CAMK1D: variants seen among roughly 807,000 people sequenced by gnomAD.
CAMK1D encodes calcium/calmodulin-dependent protein kinase type 1D.
Under a neutral mutation model 47.7 loss-of-function variants are expected in CAMK1D, and 9 were observed. The observed-to-expected ratio is 0.19, with a 90% CI of 0.11 to 0.33. CAMK1D has a LOEUF of 0.33. Ranked by LOEUF, CAMK1D falls within the 10% of genes least tolerant of loss-of-function variation. CAMK1D has a pLI of 1.00. For synonymous variants in CAMK1D, 184 were observed against 184.9 expected (o/e 0.99, Z 0.04); for missense variants, 291 against 488.7 (o/e 0.60, Z 3.81).
chr10:12,582,855 A>G (rs961456719), intron 2 of CAMK1D, among the ~76,000 whole-genome samples: 1 of 152,188 alleles, frequency 6.6e-6, no homozygotes, highest in African/African-American at 2.4e-5. Context: ...TTAAACACCC[A>G]CTGTTTACCA....
At chr10:12,668,969 C>T (rs1040068973) in intron 3 of CAMK1D, among the ~76,000 whole-genome samples, 34 of 152,050 alleles carry the variant, frequency 2.2e-4, no homozygotes, top group African/African-American at 6.5e-4. Context: ...TGGTGGCTCA[C>T]GCCTGCAATC....
At chr10:12,812,961 C>T (rs1832665295) in intron 6 of CAMK1D, among the ~76,000 whole-genome samples, 1 of 152,220 alleles carries the variant, frequency 6.6e-6, no homozygotes, top group Admixed American at 6.5e-5. Context: ...CAAAAAAATG[C>T]ATCACTGGTA....
intron 1 of CAMK1D, among the ~76,000 whole-genome samples, chr10:12,362,031 A>G (rs544054967): frequency 5.0e-4 from 76 of 152,124 alleles, no homozygotes; most frequent in African/African-American, 1.4e-3. Flanking sequence ...TTTCTTGCCT[A>G]TTAAACTCTC....
chr10:12,815,498 A>G (rs1832757636), intron 7 of CAMK1D, among the ~76,000 whole-genome samples: 1 of 152,234 alleles, frequency 6.6e-6, no homozygotes, highest in African/African-American at 2.4e-5. Context: ...CGCGGGAAAG[A>G]GCCACATGGG....
intron 5 of CAMK1D, among the ~76,000 whole-genome samples, chr10:12,772,292 C>T (rs902188244): frequency 2.6e-5 from 4 of 152,060 alleles, no homozygotes; most frequent in South Asian, 2.1e-4. Flanking sequence ...TTCCAACTAT[C>T]GGGAATCCCA....
intron 1 of CAMK1D, among the ~76,000 whole-genome samples, chr10:12,442,264 G>A (rs1336354041): frequency 2.6e-5 from 4 of 152,172 alleles, no homozygotes; most frequent in Non-Finnish European, 5.9e-5. Context: ...GGCGGATCAC[G>A]AGTTCAGGAG....
At chr10:12,651,322 T>C (rs1334300542) in intron 2 of CAMK1D, among the ~76,000 whole-genome samples, 1 of 152,244 alleles carries the variant, frequency 6.6e-6, no homozygotes, top group African/African-American at 2.4e-5. Context: ...CAGACAGGTG[T>C]GTGTATGCGC....
intron 1 of CAMK1D, among the ~76,000 whole-genome samples, chr10:12,398,288 A>G (rs540375884): frequency 2.0e-5 from 3 of 152,166 alleles, no homozygotes; most frequent in Non-Finnish European, 2.9e-5. Flanking sequence ...AAATATGTAT[A>G]TACATTTAAA....
At chr10:12,393,774 A>C (rs1838833626) in intron 1 of CAMK1D, among the ~76,000 whole-genome samples, 1 of 152,214 alleles carries the variant, frequency 6.6e-6, no homozygotes, top group Non-Finnish European at 1.5e-5. Context: ...CTGAGCAGAC[A>C]TGCCGGCCAG....
In CAMK1D at chr10:12,827,462, T is replaced by TTCTC. The variant is rs1564594070; in HGVS notation, c.1040-1306_1040-1305insCTCT. Among the ~76,000 whole-genome samples, 11 of 12,122 alleles carry TTCTC rather than the reference T, an allele frequency of 9.1e-4. 4 individuals carry two copies. The highest frequency in any genetic ancestry group is 2.2e-3 in the Non-Finnish European group (9 of 4,072). 8.0% of individuals were successfully genotyped at this position (12,122 alleles called of 152,430 possible). On this transcript the variant is annotated intron_variant, in intron 10 of 10. Coordinates refer to ENST00000619168, the MANE Select transcript of CAMK1D (RefSeq NM_153498.4). ...TTCTTTCTTTCTTTCTTTTCTTTCT[T>TTCTC]TGTCTGTCTGTCTTTCTTTCTTTCT...
chr10:12,497,994 G>A lies in CAMK1D; in HGVS notation c.93-55231G>A, dbSNP rs374577418. On this transcript the variant is annotated intron_variant, in intron 1 of 10. Coordinates refer to ENST00000619168, the MANE Select transcript of CAMK1D (RefSeq NM_153498.4). ...CTTCCATGGTAGCAGGCAAGAGAACGTGTGCACGGAAACTGCCCTGTATAA... is the reference window on the plus strand; with the variant it reads ...CTTCCATGGTAGCAGGCAAGAGAACATGTGCACGGAAACTGCCCTGTATAA... 5.9e-5 allele frequency among the ~76,000 whole-genome samples: 9 copies of A among 152,286 alleles called. No homozygotes were observed. The East Asian group carries it at 9.7e-4, about 16-fold the overall frequency.
At chr10:12,802,360 T>A (rs1274062318) in intron 6 of CAMK1D, among the ~76,000 whole-genome samples, 1 of 152,040 alleles carries the variant, frequency 6.6e-6, no homozygotes, top group Non-Finnish European at 1.5e-5. Flanking sequence ...CCTGTTGGGA[T>A]TTTCTCAGTA....
rs181041654 is a variant in CAMK1D, at chr10:12,805,043, G to A, written c.642-9152G>A. Among the ~76,000 whole-genome samples the A allele has an allele frequency of 3.2e-3, 486 of 151,126 alleles. 2 individuals are homozygous for A. Among genetic ancestry groups the A allele is most frequent in the Non-Finnish European group, 5.6e-3 (382 of 67,850 alleles). Reference sequence around the variant, plus strand: ...TGGGAGGCCGATGTAGGCGGATCACGAGGTCAGAAGATCGAGACCATCCTG... The same window carrying A: ...TGGGAGGCCGATGTAGGCGGATCACAAGGTCAGAAGATCGAGACCATCCTG... On this transcript the variant is annotated intron_variant, in intron 6 of 10. Transcript: ENST00000619168.
At position 12,698,323 on chromosome 10, in the gene CAMK1D, C is replaced by G. The variant is rs187049971; in HGVS notation, c.299+31513C>G. ...ATTAGTGAATACCGAACCATTGCTTCTAGGGGAAATACAGGGTTAGTTCAC... is the reference window on the plus strand; with the variant it reads ...ATTAGTGAATACCGAACCATTGCTTGTAGGGGAAATACAGGGTTAGTTCAC... On this transcript the variant is annotated intron_variant, in intron 3 of 10. Transcript: ENST00000619168. 2.0e-4 allele frequency among the ~76,000 whole-genome samples: 30 copies of G among 152,262 alleles called. No individual in the cohort carries two copies. In the East Asian group the frequency reaches 5.6e-3, roughly 28 times the overall value.
chr10:12,831,993 C>T lies in CAMK1D; in HGVS notation c.*3106C>T, dbSNP rs2131148089. 1 of 152,358 alleles carries T rather than the reference C, an allele frequency of 6.6e-6. No homozygotes were observed. Among genetic ancestry groups the T allele is most frequent in the South Asian group, 2.1e-4 (1 of 4,828 alleles). The allele number at this position is 152,358 out of a possible 1,614,324, so 9.4% of individuals were successfully genotyped here. On this transcript the variant is annotated 3_prime_UTR_variant, in exon 11 of 11. Transcript: ENST00000619168. ...GAGGCTGAGCATTTCTACATGCACCCAGGGTGCTGGGCTGAGGCTAAGGGT... is the reference window on the plus strand; with the variant it reads ...GAGGCTGAGCATTTCTACATGCACCTAGGGTGCTGGGCTGAGGCTAAGGGT...
At chr10:12,579,841 G>A (rs1588656163) in intron 2 of CAMK1D, among the ~76,000 whole-genome samples, 1 of 152,136 alleles carries the variant, frequency 6.6e-6, no homozygotes, top group South Asian at 2.1e-4. Flanking sequence ...TCTCTTCTCT[G>A]GATCTGTCTC....
At chr10:12,562,584 C>A (rs1425305094) in intron 2 of CAMK1D, among the ~76,000 whole-genome samples, 1 of 152,180 alleles carries the variant, frequency 6.6e-6, no homozygotes, top group African/African-American at 2.4e-5. Context: ...TGGTTTTCAT[C>A]TTCCCACCCC....
intron 6 of CAMK1D, 135 bp downstream of exon 6, chr10:12,791,368 G>C: frequency 1.4e-6 from 1 of 694,136 alleles, no homozygotes; most frequent in Non-Finnish European, 2.5e-6. Context: ...TAAGGGTACA[G>C]TTCAGTGGCA....
intron 1 of CAMK1D, among the ~76,000 whole-genome samples, chr10:12,461,467 G>C (rs893841459): frequency 1.3e-5 from 2 of 152,034 alleles, no homozygotes; most frequent in Non-Finnish European, 2.9e-5. Context: ...GAGGTGGGCG[G>C]GTCGCGAGGT....
Sources: gnomAD v4.1 joint callset for allele counts (sites outside exome capture counted in the v4.1 genomes callset) on GRCh38, gnomAD v4.1.1 for gene constraint, MANE v1.5 for transcripts, NCBI Gene and HGNC (gene_info 2026-07-23, HGNC 2026-07-21) for gene names.